Variants in UBE3D observed in about 807,000 individuals in gnomAD.
UBE3D encodes the protein E3 ubiquitin-protein ligase E3D.
A neutral mutation model predicts 49.6 loss-of-function variants in UBE3D; 48 were observed. The observed-to-expected ratio is 0.97, with a 90% CI of 0.77 to 1.23. The LOEUF is 1.23. Ranked by LOEUF, UBE3D falls within the 50% of genes most tolerant of loss-of-function variation. The pLI is 0.00. For missense variants in UBE3D, 452 were observed against 468.4 expected, an observed-to-expected ratio of 0.96 and a Z score of 0.32; for synonymous variants, 189 against 174.2, an observed-to-expected ratio of 1.08 and a Z score of -0.67.
chr6:82,952,278 A>T (rs571765634), intron 9 of UBE3D, among the ~76,000 whole-genome samples: 1 of 152,292 alleles, frequency 6.6e-6, no homozygotes, highest in African/African-American at 2.4e-5. Flanking sequence ...TGCACCTGTA[A>T]AATGTAAACA....
In UBE3D at chr6:83,065,655, G is replaced by T; in HGVS notation, c.64C>A (p.Leu22Ile). 1 of 1,613,960 alleles carries T rather than the reference G, an allele frequency of 6.2e-7. No homozygotes were observed. Among genetic ancestry groups the T allele is most frequent in the South Asian group, 1.1e-5 (1 of 91,036 alleles). The part of the protein sequence containing the change: ...LEVRGQLQSA[L>I]LILGEPKEGG... ...CCCAGTTCTTACCCCAGGATCAGAA[G>T]CGCGCTCTGCAGCTGTCCCCGCACC... Residue 22 changes from leucine (L) to isoleucine (I), a missense_variant, in exon 1 of 10, where the codon CTT (leucine) becomes ATT (isoleucine). By Grantham distance (5) the Leu-to-Ile change is conservative. Transcript: ENST00000369747.
At chr6:83,033,733 A>G (rs1240674755) in intron 5 of UBE3D, among the ~76,000 whole-genome samples, 1 of 152,178 alleles carries the variant, frequency 6.6e-6, no homozygotes, top group East Asian at 1.9e-4. Flanking sequence ...CTGCAGTACC[A>G]TACGCCAATT....
At chr6:83,034,786 A>C (rs1782125902) in intron 5 of UBE3D, among the ~76,000 whole-genome samples, 2 of 152,136 alleles carry the variant, frequency 1.3e-5, no homozygotes. Flanking sequence ...TTTCTTTACA[A>C]ATTACCCAGT....
chr6:83,044,624 T>G lies in UBE3D; in HGVS notation c.401A>C (p.Asn134Thr), dbSNP rs2127820759. 1 of 1,614,082 alleles carries G rather than the reference T, an allele frequency of 6.2e-7. No individual in the cohort carries two copies. Among genetic ancestry groups the G allele is most frequent in the South Asian group, 1.1e-5 (1 of 91,078 alleles). Residue 134 changes from asparagine (N) to threonine (T), a missense_variant, in exon 4 of 10, where the codon AAC becomes ACC. Asn to Thr is a moderately conservative substitution (Grantham distance 65, BLOSUM62 0). Coordinates refer to ENST00000369747, the MANE Select transcript of UBE3D (RefSeq NM_198920.3). ...LLRVLPLPSE[N>T]WGALVGEWCC... ...CCATTCTCCAACTAGAGCTCCCCAG[T>G]TCTCACTCGGCAGTGGGAGCACCCT... is the stretch of plus-strand genomic sequence containing the variant.
intron 5 of UBE3D, chr6:83,038,052 T>TA (rs78857512): frequency 0.015 from 1,314 of 86,396 alleles, 27 homozygotes; most frequent in Admixed American, 0.075. Flanking sequence ...AAGGTAAAAT[T>TA]AAAAAAAAAA....
intron 1 of UBE3D, among the ~76,000 whole-genome samples, chr6:83,062,846 C>T (rs1784253522): frequency 6.6e-6 from 1 of 152,052 alleles, no homozygotes; most frequent in African/African-American, 2.4e-5. Flanking sequence ...GCCTTTTCAA[C>T]TGATGGTGAT....
chr6:83,033,420 C>T (rs979946230), intron 5 of UBE3D, among the ~76,000 whole-genome samples: 1 of 152,088 alleles, frequency 6.6e-6, no homozygotes, highest in Non-Finnish European at 1.5e-5. Flanking sequence ...TGTGTCCCCA[C>T]CCAAATCTCC....
intron 9 of UBE3D, among the ~76,000 whole-genome samples, chr6:82,929,123 C>T (rs184760928): frequency 3.9e-4 from 60 of 152,154 alleles, no homozygotes; most frequent in Admixed American, 1.7e-3. Context: ...AATCTTTCTT[C>T]GGGTAAACAT....
At chr6:83,019,869 G>C (rs772697071) in intron 7 of UBE3D, among the ~76,000 whole-genome samples, 5 of 152,126 alleles carry the variant, frequency 3.3e-5, no homozygotes, top group Admixed American at 2.6e-4. Flanking sequence ...CACTGGCAGC[G>C]GGCTGACCAA....
chr6:83,064,146 A>G (rs988767794), intron 1 of UBE3D, among the ~76,000 whole-genome samples: 2 of 152,264 alleles, frequency 1.3e-5, no homozygotes, highest in Non-Finnish European at 2.9e-5. Context: ...AAAAAAGTAT[A>G]TATTGTATGA....
chr6:83,021,369 A>C (rs1781077270), intron 7 of UBE3D, among the ~76,000 whole-genome samples: 1 of 152,070 alleles, frequency 6.6e-6, no homozygotes, highest in African/African-American at 2.4e-5. Flanking sequence ...TTAGCCTGGG[A>C]AGTCGAGGCT....
chr6:83,065,641 C>T lies in UBE3D; in HGVS notation c.77+1G>A. On this transcript the variant is annotated splice_donor_variant, in intron 1 of 9. Coordinates refer to ENST00000369747, the MANE Select transcript of UBE3D (RefSeq NM_198920.3). LOFTEE classifies it high-confidence loss of function. ...ACTGCGCCTAGAATCCCAGTTCTTA[C>T]CCCAGGATCAGAAGCGCGCTCTGCA... The T allele has an allele frequency of 1.9e-6, 3 of 1,613,904 alleles. No homozygotes were observed. Among genetic ancestry groups the T allele is most frequent in the Non-Finnish European group, 2.5e-6 (3 of 1,179,882 alleles).
the UBE3D span, among the ~76,000 whole-genome samples, chr6:82,885,625 C>T: frequency 3.9e-5 from 6 of 152,066 alleles, no homozygotes; most frequent in African/African-American, 7.2e-5. Context: ...TTTTAACTAC[C>T]GCATCTACAT....
At chr6:82,900,252 T>C (rs1452490618) in intron 9 of UBE3D, among the ~76,000 whole-genome samples, 2 of 152,212 alleles carry the variant, frequency 1.3e-5, no homozygotes, top group African/African-American at 2.4e-5. Context: ...ATAGTATCAA[T>C]TGAAATATTT....
chr6:83,033,246 C>T (rs1782006976), intron 5 of UBE3D, among the ~76,000 whole-genome samples: 2 of 152,124 alleles, frequency 1.3e-5, no homozygotes, highest in South Asian at 2.1e-4. Flanking sequence ...AGCACCAAGA[C>T]ATTCATGAGG....
intron 8 of UBE3D, among the ~76,000 whole-genome samples, chr6:82,971,443 T>C (rs941641930): frequency 4.7e-4 from 72 of 151,852 alleles, no homozygotes; most frequent in African/African-American, 1.6e-3. Flanking sequence ...TTGGCATTAC[T>C]AGATTCCCTG....
At chr6:82,956,702 ATCT>A (rs1776179788) in intron 9 of UBE3D, among the ~76,000 whole-genome samples, 1 of 152,198 alleles carries the variant, frequency 6.6e-6, no homozygotes, top group South Asian at 2.1e-4. Flanking sequence ...TGTCTACCTG[ATCT>A]TCTTGCCATT....
chr6:83,008,822 C>A (rs1333204047), intron 8 of UBE3D, among the ~76,000 whole-genome samples: 1 of 152,186 alleles, frequency 6.6e-6, no homozygotes, highest in East Asian at 1.9e-4. Context: ...AAGTAAATAA[C>A]TCACAGCATG....
At chr6:83,065,591 CG>C (rs775499798) in intron 1 of UBE3D, 50 bp downstream of exon 1, 2 of 1,578,790 alleles carry the variant, frequency 1.3e-6, no homozygotes, top group East Asian at 4.5e-5. Context: ...CCCCGACCCC[CG>C]GGCAGCAGTA....
Sources: allele counts gnomAD v4.1 joint callset (sites outside exome capture counted in the v4.1 genomes callset), GRCh38; gene constraint gnomAD v4.1.1; transcripts MANE v1.5; gene names NCBI Gene and HGNC (gene_info 2026-07-23, HGNC 2026-07-21).